OR4C13: variants seen among roughly 807,000 people sequenced by gnomAD.
OR4C13 encodes olfactory receptor family 4 subfamily C member 13.
OR4C13 carries 23 observed loss-of-function variants against 14.7 expected under a neutral mutation model. The observed-to-expected ratio is 1.57, with a 90% CI of 1.13 to 2.22. The LOEUF (loss-of-function observed/expected upper bound fraction) is 2.22. OR4C13 is among the 30% of genes most tolerant of loss of function. The pLI is 0.00. For missense variants in OR4C13, 504 were observed against 368.6 expected (o/e 1.37, Z -3.01); for synonymous variants, 178 against 135.5 (o/e 1.31, Z -2.18).
rs781835632 is a variant in OR4C13 at position 49,952,708 on chromosome 11, A to G, written c.286A>G (p.Met96Val). 2 of 1,614,106 alleles carry G rather than the reference A, an allele frequency of 1.2e-6. No homozygotes were observed. The highest frequency in any genetic ancestry group is 2.2e-5 in the South Asian group (2 of 91,086). Residue 96 changes from methionine to valine, a missense_variant, in exon 1 of 1, where the codon ATG becomes GTG. Met to Val is a conservative substitution (Grantham distance 21). Coordinates refer to ENST00000555099, the MANE Select transcript of OR4C13 (RefSeq NM_001001955.2). Reference protein sequence around the residue: ...ENKTILFNGCMTQVFGEHFFR... With the variant: ...ENKTILFNGCVTQVFGEHFFR... ...CAAGACTATCTTATTCAATGGATGTATGACTCAAGTCTTTGGAGAACATTT... is the reference window on the plus strand; with the variant it reads ...CAAGACTATCTTATTCAATGGATGTGTGACTCAAGTCTTTGGAGAACATTT...
Position 49,952,651 on chromosome 11 carries a change from C to A in OR4C13, c.229C>A (p.Pro77Thr), listed in dbSNP as rs782799146. 10 of 1,613,504 alleles carry A rather than the reference C, an allele frequency of 6.2e-6. No individual in the cohort carries two copies. Among genetic ancestry groups the A allele is most frequent in the Non-Finnish European group, 7.6e-6 (9 of 1,179,512 alleles). The change falls in exon 1 of 1, where the codon CCT becomes ACT. Residue 77 changes from proline (P) to threonine (T), a missense_variant. Transcript: ENST00000555099. ...IDACYSSVNTPKLITDSLYEN... is the reference protein window; with the variant it reads ...IDACYSSVNTTKLITDSLYEN... Reference sequence around the variant, plus strand: ...TGCCTGCTATTCCTCTGTCAATACCCCTAAGCTGATCACAGATTCACTCTA... The same window carrying A: ...TGCCTGCTATTCCTCTGTCAATACCACTAAGCTGATCACAGATTCACTCTA...
chr11:49,953,085 C>G lies in OR4C13; in HGVS notation c.663C>G (p.Tyr221Ter), dbSNP rs377336673. Residue 221 changes from tyrosine to a stop codon, truncating the protein, a stop_gained, in exon 1 of 1, where the codon TAC becomes TAG. Coordinates refer to ENST00000555099, the MANE Select transcript of OR4C13 (RefSeq NM_001001955.2). LOFTEE classifies it high-confidence loss of function. ...TGGTCTCCTGCGTGGTCATACTGTA[C>G]TCCTTAAAGACCCACAGCTTAGAGG... ...LLLVSCVVIL[Y>*]SLKTHSLEAR... The G allele has an allele frequency of 1.2e-6, 2 of 1,613,754 alleles. No individual in the cohort carries two copies. The highest frequency in any genetic ancestry group is 2.7e-5 in the African/African-American group (2 of 74,882).
In OR4C13 at chr11:49,953,025, T is replaced by C; in HGVS notation, c.603T>C (p.Ser201=). The C allele has an allele frequency of 6.2e-7, 1 of 1,613,936 alleles. No homozygotes were observed. Among genetic ancestry groups the C allele is most frequent in the Non-Finnish European group, 8.5e-7 (1 of 1,179,860 alleles). Residue 201 remains serine (S), a synonymous_variant, in exon 1 of 1, where the codon AGT becomes AGC. Coordinates refer to ENST00000555099, the MANE Select transcript of OR4C13 (RefSeq NM_001001955.2). ...TAGGACTCTTCATTGCTGCCAACAG[T>C]GGGTTCATATGCCTGTTAAACTGTC... ...HTLGLFIAAN[S]GFICLLNCLL...
chr11:49,952,705 T>A lies in OR4C13; in HGVS notation c.283T>A (p.Cys95Ser), dbSNP rs1853656304. The A allele has an allele frequency of 6.2e-7, 1 of 1,614,076 alleles. No individual in the cohort carries two copies. Among genetic ancestry groups the A allele is most frequent in the Non-Finnish European group, 8.5e-7 (1 of 1,179,958 alleles). The change falls in exon 1 of 1, where the codon TGT becomes AGT. Residue 95 changes from cysteine to serine, a missense_variant. Transcript: ENST00000555099. ...YENKTILFNG[C>S]MTQVFGEHFF... ...AAACAAGACTATCTTATTCAATGGA[T>A]GTATGACTCAAGTCTTTGGAGAACA...
In OR4C13 at chr11:49,952,953, T is replaced by G. The variant is rs782549085; in HGVS notation, c.531T>G (p.Cys177Trp). The G allele has an allele frequency of 2.1e-5, 34 of 1,613,770 alleles. No individual in the cohort carries two copies. The Admixed American group carries it at 4.8e-4, about 23-fold the overall frequency. The stretch of plus-strand genomic sequence containing the variant: ...CTAATGTCATAGATCACTTTATGTG[T>G]GATCTCTACACTTTGATCAATCTTG... The part of the protein sequence containing the change: ...CGPNVIDHFM[C>W]DLYTLINLAC... The change falls in exon 1 of 1, where the codon TGT (cysteine) becomes TGG (tryptophan). Residue 177 changes from cysteine (C) to tryptophan (W), a missense_variant. Coordinates refer to ENST00000555099, the MANE Select transcript of OR4C13 (RefSeq NM_001001955.2).
At position 49,953,159 on chromosome 11, in the gene OR4C13, T is replaced by A. The variant is rs528076560; in HGVS notation, c.737T>A (p.Ile246Asn). Residue 246 changes from isoleucine to asparagine, a missense_variant, in exon 1 of 1, where the codon ATC (isoleucine) becomes AAC (asparagine). By Grantham distance (149) the Ile-to-Asn change is moderately radical. Coordinates refer to ENST00000555099, the MANE Select transcript of OR4C13 (RefSeq NM_001001955.2). ...TGTGTCTCCCACATCACAGTTGTCA[T>A]CTTATCCTTTATACCCTGCATATTT... is the stretch of plus-strand genomic sequence containing the variant. ...STCVSHITVV[I>N]LSFIPCIFVY... The A allele has an allele frequency of 3.3e-5, 53 of 1,613,856 alleles. No individual in the cohort carries two copies. In the South Asian group the frequency reaches 4.2e-4, roughly 13 times the overall value.
chr11:49,952,598 T>G lies in OR4C13; in HGVS notation c.176T>G (p.Phe59Cys). Residue 59 changes from phenylalanine (F) to cysteine (C), a missense_variant, in exon 1 of 1, where the codon TTT becomes TGT. By Grantham distance (205) the Phe-to-Cys change is radical. Coordinates refer to ENST00000555099, the MANE Select transcript of OR4C13 (RefSeq NM_001001955.2). The stretch of plus-strand genomic sequence containing the variant: ...CCATCACTGAGATCCCCCATGTACT[T>G]TTTCCTGGCCTATCTCTCCTTTATT... Reference protein sequence around the residue: ...ASPSLRSPMYFFLAYLSFIDA... With the variant: ...ASPSLRSPMYCFLAYLSFIDA... The G allele has an allele frequency of 6.2e-7, 1 of 1,613,878 alleles. No homozygotes were observed.
rs1555015874 is a variant in OR4C13, at chr11:49,953,111, C to T, written c.689C>T (p.Ala230Val). 6.2e-7 allele frequency: 1 copy of T among 1,613,774 alleles called. No individual in the cohort carries two copies. The highest frequency in any genetic ancestry group is 1.7e-4 in the Middle Eastern group (1 of 6,054). The change falls in exon 1 of 1, where the codon GCA becomes GTA. Residue 230 changes from alanine to valine, a missense_variant. Physicochemically the swap from Ala to Val is moderately conservative, Grantham distance 64 (BLOSUM62 0). Transcript: ENST00000555099. ...LYSLKTHSLE[A>V]RHEALSTCVS... ...TCCTTAAAGACCCACAGCTTAGAGG[C>T]AAGGCACGAAGCCCTCTCTACCTGT...
rs1853662265 is a variant in OR4C13 at position 49,952,929 on chromosome 11, T to C, written c.507T>C (p.Pro169=). ...TCTGTCAATTACCTTTCTGTGGTCC[T>C]AATGTCATAGATCACTTTATGTGTG... ...LFICQLPFCG[P]NVIDHFMCDL... Residue 169 remains proline (P), a synonymous_variant, in exon 1 of 1, where the codon CCT becomes CCC. Transcript: ENST00000555099. The C allele has an allele frequency of 1.2e-6, 2 of 1,613,848 alleles. No homozygotes were observed. Among genetic ancestry groups the C allele is most frequent in the African/African-American group, 2.7e-5 (2 of 74,922 alleles).
chr11:49,952,454 T>A lies in OR4C13; in HGVS notation c.32T>A (p.Ile11Asn). 6.2e-7 allele frequency: 1 copy of A among 1,612,326 alleles called. No individual in the cohort carries two copies. The highest frequency in any genetic ancestry group is 8.5e-7 in the Non-Finnish European group (1 of 1,178,422). The change falls in exon 1 of 1, where the codon ATT becomes AAT. Residue 11 changes from isoleucine (I) to asparagine (N), a missense_variant. Ile to Asn is a moderately radical substitution (Grantham distance 149, BLOSUM62 -3). Coordinates refer to ENST00000555099, the MANE Select transcript of OR4C13 (RefSeq NM_001001955.2). Reference protein sequence around the residue: MANRNNVTEFILLGLTENPKM... With the variant: MANRNNVTEFNLLGLTENPKM... The stretch of plus-strand genomic sequence containing the variant: ...AATAGAAACAATGTGACAGAGTTTA[T>A]TCTATTGGGGCTTACAGAGAATCCA...
In OR4C13 at chr11:49,953,256, T is replaced by C; in HGVS notation, c.834T>C (p.Ser278=). Residue 278 remains serine (S), a synonymous_variant, in exon 1 of 1, where the codon TCT becomes TCC. Transcript: ENST00000555099. ...CTGTATTCTACACTATGATAACTTC[T>C]ATGTTAAACCCCTTAATCTACACCT... The part of the protein sequence containing the change: ...AVAVFYTMIT[S]MLNPLIYTLR... 1.2e-6 allele frequency: 2 copies of C among 1,611,812 alleles called. No individual in the cohort carries two copies. The highest frequency in any genetic ancestry group is 2.2e-5 in the East Asian group (1 of 44,792).
At position 49,952,966 on chromosome 11, in the gene OR4C13, T is replaced by G; in HGVS notation, c.544T>G (p.Leu182Val). Residue 182 changes from leucine (L) to valine (V), a missense_variant, in exon 1 of 1, where the codon TTG (leucine) becomes GTG (valine). Leu to Val is a conservative substitution (Grantham distance 32). Transcript: ENST00000555099. ...IDHFMCDLYTLINLACTNTHT... is the reference protein window; with the variant it reads ...IDHFMCDLYTVINLACTNTHT... Reference sequence around the variant, plus strand: ...TCACTTTATGTGTGATCTCTACACTTTGATCAATCTTGCCTGCACTAATAC... The same window carrying G: ...TCACTTTATGTGTGATCTCTACACTGTGATCAATCTTGCCTGCACTAATAC... 1 of 1,613,906 alleles carries G rather than the reference T, an allele frequency of 6.2e-7. No homozygotes were observed.
In OR4C13 at chr11:49,952,676, A is replaced by G. The variant is rs1191209653; in HGVS notation, c.254A>G (p.Tyr85Cys). 6.2e-7 allele frequency: 1 copy of G among 1,613,758 alleles called. No homozygotes were observed. The highest frequency in any genetic ancestry group is 1.3e-5 in the African/African-American group (1 of 74,880). ...NTPKLITDSL[Y>C]ENKTILFNGC... is the part of the protein sequence containing the mutation. The stretch of plus-strand genomic sequence containing the variant: ...CCTAAGCTGATCACAGATTCACTCT[A>G]TGAAAACAAGACTATCTTATTCAAT... The change falls in exon 1 of 1, where the codon TAT (tyrosine) becomes TGT (cysteine). Residue 85 changes from tyrosine to cysteine, a missense_variant. Transcript: ENST00000555099.
Position 49,953,124 on chromosome 11 carries a change from C to T in OR4C13, c.702C>T (p.Ala234=), listed in dbSNP as rs542962034. 54 of 1,613,702 alleles carry T rather than the reference C, an allele frequency of 3.3e-5. No homozygotes were observed. In the South Asian group the frequency reaches 3.8e-4, roughly 11 times the overall value. Residue 234 remains alanine (A), a synonymous_variant, in exon 1 of 1, where the codon GCC becomes GCT. Transcript: ENST00000555099. Reference sequence around the variant, plus strand: ...ACAGCTTAGAGGCAAGGCACGAAGCCCTCTCTACCTGTGTCTCCCACATCA... The same window carrying T: ...ACAGCTTAGAGGCAAGGCACGAAGCTCTCTCTACCTGTGTCTCCCACATCA... ...KTHSLEARHE[A]LSTCVSHITV...
rs782200991 is a variant in OR4C13 at position 49,952,888 on chromosome 11, A to G, written c.466A>G (p.Ile156Val). The G allele has an allele frequency of 3.1e-6, 5 of 1,613,254 alleles. No individual in the cohort carries two copies. In the South Asian group the frequency reaches 3.3e-5, roughly 11 times the overall value. The change falls in exon 1 of 1, where the codon ATA becomes GTA. Residue 156 changes from isoleucine to valine, a missense_variant. By Grantham distance (29) the Ile-to-Val change is conservative. Coordinates refer to ENST00000555099, the MANE Select transcript of OR4C13 (RefSeq NM_001001955.2). ...SWVGGFLHAT[I>V]QILFICQLPF... ...GGTAGGAGGCTTTCTTCATGCAACCATACAGATCCTCTTCATCTGTCAATT... is the reference window on the plus strand; with the variant it reads ...GGTAGGAGGCTTTCTTCATGCAACCGTACAGATCCTCTTCATCTGTCAATT...
chr11:49,953,031 C>T lies in OR4C13; in HGVS notation c.609C>T (p.Phe203=), dbSNP rs1853664157. ...LGLFIAANSG[F]ICLLNCLLLL... is the part of the protein sequence containing the mutation. ...TCTTCATTGCTGCCAACAGTGGGTT[C>T]ATATGCCTGTTAAACTGTCTCTTGC... The change falls in exon 1 of 1, where the codon TTC becomes TTT. Residue 203 remains phenylalanine, a synonymous_variant. Transcript: ENST00000555099. The T allele has an allele frequency of 6.2e-7, 1 of 1,613,886 alleles. No homozygotes were observed. Among genetic ancestry groups the T allele is most frequent in the Non-Finnish European group, 8.5e-7 (1 of 1,179,834 alleles).
In OR4C13 at chr11:49,952,560, C is replaced by T. The variant is rs1555015698; in HGVS notation, c.138C>T (p.Thr46=). ...TAGGAAATGTGCTCATTGTGGTCACCATCACTGCCAGCCCATCACTGAGAT... is the reference window on the plus strand; with the variant it reads ...TAGGAAATGTGCTCATTGTGGTCACTATCACTGCCAGCCCATCACTGAGAT... The part of the protein sequence containing the change: ...AMIGNVLIVV[T]ITASPSLRSP... Residue 46 remains threonine, a synonymous_variant, in exon 1 of 1, where the codon ACC becomes ACT. Coordinates refer to ENST00000555099, the MANE Select transcript of OR4C13 (RefSeq NM_001001955.2). The T allele has an allele frequency of 3.1e-6, 5 of 1,613,674 alleles. No homozygotes were observed. The African/African-American group carries it at 6.7e-5, about 22-fold the overall frequency.
At position 49,953,370 on chromosome 11, in the gene OR4C13, C is replaced by T. The variant is rs368205383; in HGVS notation, c.*18C>T. 169 of 1,303,828 alleles carry T rather than the reference C, an allele frequency of 1.3e-4. No individual in the cohort carries two copies. The African/African-American group carries it at 1.9e-3, about 15-fold the overall frequency. 80.8% of individuals were successfully genotyped at this position (1,303,828 alleles called of 1,614,324 possible). On this transcript the variant is annotated 3_prime_UTR_variant, in exon 1 of 1. Coordinates refer to ENST00000555099, the MANE Select transcript of OR4C13 (RefSeq NM_001001955.2). ...TCAAATAAATGTGACTGGAGCCCAA[C>T]ATGATTCAGCTGAGGCAAGGGTCAA... is the stretch of plus-strand genomic sequence containing the variant.
rs782632539 is a variant in OR4C13, at chr11:49,952,568, C to G, written c.146C>G (p.Ala49Gly). 1 of 1,613,732 alleles carries G rather than the reference C, an allele frequency of 6.2e-7. No individual in the cohort carries two copies. The highest frequency in any genetic ancestry group is 8.5e-7 in the Non-Finnish European group (1 of 1,179,806). ...GTGCTCATTGTGGTCACCATCACTG[C>G]CAGCCCATCACTGAGATCCCCCATG... is the stretch of plus-strand genomic sequence containing the variant. Reference protein sequence around the residue: ...GNVLIVVTITASPSLRSPMYF... With the variant: ...GNVLIVVTITGSPSLRSPMYF... The change falls in exon 1 of 1, where the codon GCC becomes GGC. Residue 49 changes from alanine (A) to glycine (G), a missense_variant. Physicochemically the swap from Ala to Gly is moderately conservative, Grantham distance 60. Coordinates refer to ENST00000555099, the MANE Select transcript of OR4C13 (RefSeq NM_001001955.2).
Sources: allele counts gnomAD v4.1 joint callset, GRCh38; gene constraint gnomAD v4.1.1; transcripts MANE v1.5; gene names NCBI Gene and HGNC (gene_info 2026-07-23, HGNC 2026-07-21).